The following TNIK variants were observed in gnomAD, a reference collection of about 807,000 sequenced individuals.
TNIK encodes TRAF2 and NCK-interacting protein kinase.
TNIK carries 49 observed loss-of-function variants against 191.3 expected under a neutral mutation model. The ratio of observed to expected loss-of-function variants is 0.26; its 90% confidence interval spans 0.20 to 0.32. TNIK has a LOEUF of 0.32. Ranked by LOEUF, TNIK falls within the 10% of genes least tolerant of loss-of-function variation. The pLI, the probability that TNIK is intolerant of heterozygous loss-of-function variation, is 1.00. For synonymous variants in TNIK, 594 were observed against 600.9 expected (o/e 0.99, Z 0.17); for missense variants, 1,155 against 1,702.3 (o/e 0.68, Z 5.66).
At chr3:171,249,278 A>G (rs540595911) in intron 2 of TNIK, among the ~76,000 whole-genome samples, 1 of 152,308 alleles carries the variant, frequency 6.6e-6, no homozygotes, top group South Asian at 2.1e-4. Context: ...CTGTGTCAGG[A>G]TGATTTAGGA....
intron 21 of TNIK, among the ~76,000 whole-genome samples, chr3:171,106,354 T>C (rs888248290): frequency 6.6e-6 from 1 of 152,194 alleles, no homozygotes; most frequent in Non-Finnish European, 1.5e-5. Context: ...GAGACTAGTC[T>C]CAGCCAGTTA....
rs568697987 is a variant in TNIK at position 171,242,499 on chromosome 3, CA to C, written c.124-14279del. Among the ~76,000 whole-genome samples, 692 of 151,526 alleles carry C rather than the reference CA, an allele frequency of 4.6e-3. 8 individuals are homozygous for C. Among genetic ancestry groups the C allele is most frequent in the African/African-American group, 0.016 (655 of 40,996 alleles). On this transcript the variant is annotated intron_variant, in intron 2 of 32. Transcript: ENST00000436636. Reference sequence around the variant, plus strand: ...GGTACTTGCCTAGGATCCAAAAGATCAGTATCAATCTGCATTTTTTTTTTTT... The same window carrying C: ...GGTACTTGCCTAGGATCCAAAAGATCGTATCAATCTGCATTTTTTTTTTTT...
At chr3:171,351,449 C>T (rs1417826109) in intron 2 of TNIK, among the ~76,000 whole-genome samples, 1 of 152,094 alleles carries the variant, frequency 6.6e-6, no homozygotes, top group African/African-American at 2.4e-5. Context: ...ACAAAAATTG[C>T]ATTATGTGTC....
At chr3:171,339,172 A>G (rs1398380411) in intron 2 of TNIK, among the ~76,000 whole-genome samples, 4 of 152,238 alleles carry the variant, frequency 2.6e-5, no homozygotes, top group African/African-American at 7.2e-5. Flanking sequence ...AACCAGGTGT[A>G]AAAATTCAGG....
intron 3 of TNIK, among the ~76,000 whole-genome samples, chr3:171,217,708 A>G (rs564300706): frequency 6.6e-6 from 1 of 152,188 alleles, no homozygotes; most frequent in Non-Finnish European, 1.5e-5. Context: ...GAAGACACAG[A>G]TATGAATCAA....
intron 13 of TNIK, 75 bp downstream of exon 13, chr3:171,140,324 T>C: frequency 8.1e-7 from 1 of 1,229,872 alleles, no homozygotes; most frequent in Non-Finnish European, 1.1e-6. Context: ...TCAGAAAAGG[T>C]GACCCACACC....
intron 14 of TNIK, 61 bp downstream of exon 14, chr3:171,139,409 C>CACACAA: frequency 6.7e-7 from 1 of 1,483,594 alleles, no homozygotes; most frequent in Non-Finnish European, 9.4e-7. Flanking sequence ...CACACACACA[C>CACACAA]ACACAAACAC....
At chr3:171,088,000 G>A (rs1721586137) in intron 23 of TNIK, among the ~76,000 whole-genome samples, 1 of 152,120 alleles carries the variant, frequency 6.6e-6, no homozygotes, top group Admixed American at 6.5e-5. Context: ...TAACTCACAG[G>A]GCTCTTTGTC....
chr3:171,269,491 A>G (rs1392946572), intron 2 of TNIK, among the ~76,000 whole-genome samples: 1 of 152,266 alleles, frequency 6.6e-6, no homozygotes, highest in East Asian at 1.9e-4. Flanking sequence ...TGGAGTGTTT[A>G]GTATTTCAGC....
intron 1 of TNIK, among the ~76,000 whole-genome samples, chr3:171,384,057 T>C (rs538340602): frequency 6.6e-6 from 1 of 152,356 alleles, no homozygotes; most frequent in South Asian, 2.1e-4. Context: ...TGTGTCCTTG[T>C]TCCCTTTTTG....
rs16855718 is a variant in TNIK, at chr3:171,059,895, G to A, written c.*3986C>T. 0.094 allele frequency among the ~76,000 whole-genome samples: 14,259 copies of A among 152,138 alleles called. 751 individuals are homozygous for A. Among genetic ancestry groups the A allele is most frequent in the African/African-American group, 0.12 (5,152 of 41,492 alleles). On this transcript the variant is annotated 3_prime_UTR_variant, in exon 33 of 33. Coordinates refer to ENST00000436636, the MANE Select transcript of TNIK (RefSeq NM_015028.4). ...GAGACTGTTGAAATGATCAGAACAT[G>A]GTACCAGTGGTGATTCTGGAATATA...
At chr3:171,431,636 G>A (rs1431098296) in intron 1 of TNIK, among the ~76,000 whole-genome samples, 3 of 152,046 alleles carry the variant, frequency 2.0e-5, no homozygotes, top group Admixed American at 6.6e-5. Flanking sequence ...CCACTTAGGA[G>A]GATACTGCTT....
intron 1 of TNIK, among the ~76,000 whole-genome samples, chr3:171,395,417 G>T (rs1023878259): frequency 1.3e-5 from 2 of 152,048 alleles, no homozygotes; most frequent in Non-Finnish European, 2.9e-5. Flanking sequence ...CACTTAACAG[G>T]CCCCTCAAAA....
intron 5 of TNIK, among the ~76,000 whole-genome samples, chr3:171,191,520 G>A (rs1245148636): frequency 2.0e-5 from 3 of 152,214 alleles, no homozygotes; most frequent in Admixed American, 6.5e-5. Context: ...ATCCAGGTGT[G>A]AGCCACAGCA....
rs1472804093 is a variant in TNIK at position 171,059,450 on chromosome 3, G to A, written c.*4431C>T. On this transcript the variant is annotated 3_prime_UTR_variant, in exon 33 of 33. Transcript: ENST00000436636. ...CACACTGTTTAATGCTAAGCAAACT[G>A]TTGAATATTCTAGTTATCAATGGAA... Among the ~76,000 whole-genome samples, 1 of 152,138 alleles carries A rather than the reference G, an allele frequency of 6.6e-6. No homozygotes were observed. Among genetic ancestry groups the A allele is most frequent in the Non-Finnish European group, 1.5e-5 (1 of 68,014 alleles).
At chr3:171,408,213 A>G (rs1044991581) in intron 1 of TNIK, among the ~76,000 whole-genome samples, 3 of 152,198 alleles carry the variant, frequency 2.0e-5, no homozygotes, top group African/African-American at 7.2e-5. Context: ...AATAAATGAA[A>G]AGAAAAAAAG....
chr3:171,107,661 A>G (rs1725128000), intron 20 of TNIK, among the ~76,000 whole-genome samples: 1 of 152,222 alleles, frequency 6.6e-6, no homozygotes, highest in African/African-American at 2.4e-5. Context: ...GAAAAATAGC[A>G]GAAAAACTGT....
chr3:171,304,362 A>C (rs1753190307), intron 2 of TNIK, among the ~76,000 whole-genome samples: 1 of 152,114 alleles, frequency 6.6e-6, no homozygotes, highest in African/African-American at 2.4e-5. Flanking sequence ...AGGAAACAAC[A>C]GGTCCTGGAG....
chr3:171,231,007 T>C (rs1743556981), intron 2 of TNIK, among the ~76,000 whole-genome samples: 1 of 152,352 alleles, frequency 6.6e-6, no homozygotes, highest in African/African-American at 2.4e-5. Flanking sequence ...TCTGCCAGCA[T>C]GCACTTTGAG....
Sources: allele counts gnomAD v4.1 joint callset (sites outside exome capture counted in the v4.1 genomes callset), GRCh38; gene constraint gnomAD v4.1.1; transcripts MANE v1.5; gene names NCBI Gene and HGNC (gene_info 2026-07-23, HGNC 2026-07-21).